PML: variants seen among roughly 807,000 people sequenced by gnomAD.
PML encodes the protein PML nuclear body scaffold, also known as protein PML.
PML carries 28 observed loss-of-function variants against 65.2 expected under a neutral mutation model. That is an observed-to-expected ratio of 0.43 (90% CI 0.32 to 0.59). PML has a LOEUF of 0.59. Among genes scored for constraint, PML ranks in the 20% least tolerant of loss-of-function variants. PML has a pLI of 0.08. For synonymous variants in PML, 500 were observed against 508.8 expected (o/e 0.98, Z 0.23); for missense variants, 1,021 against 1,203.4 (o/e 0.85, Z 2.24).
At chr15:74,017,595 G>T (rs1744490096) in intron 2 of PML, among the ~76,000 whole-genome samples, 2 of 152,280 alleles carry the variant, frequency 1.3e-5, no homozygotes, top group Admixed American at 6.5e-5. Flanking sequence ...GTTGCAATGA[G>T]TTGAGATCAC....
At chr15:74,034,323 C>A in intron 6 of PML, 155 bp from the exon 7 acceptor site, 1 of 876,192 alleles carries the variant, frequency 1.1e-6, no homozygotes, top group Non-Finnish European at 1.9e-6. Flanking sequence ...AAAGCAGAGT[C>A]ACATTGGCAC....
At chr15:74,034,126 G>T (rs906968981) in intron 6 of PML, 10 of 403,354 alleles carry the variant, frequency 2.5e-5, no homozygotes, top group African/African-American at 1.8e-4. Flanking sequence ...CCAGCTCATG[G>T]AGCTGAGAAT....
chr15:74,011,888 C>T (rs540802015), intron 2 of PML, among the ~76,000 whole-genome samples: 1 of 152,282 alleles, frequency 6.6e-6, no homozygotes, highest in Admixed American at 6.5e-5. Flanking sequence ...AGAATGGGTG[C>T]CCCTTTCCTA....
At chr15:74,036,474 A>G (rs1006521576) in intron 7 of PML, 43 of 1,223,810 alleles carry the variant, frequency 3.5e-5, no homozygotes, top group Non-Finnish European at 4.4e-5. Context: ...TCTCTTCCCT[A>G]TGCTGGAACT....
In PML at chr15:74,045,275, T is replaced by C. The variant is rs764463702; in HGVS notation, c.*267T>C. On this transcript the variant is annotated 3_prime_UTR_variant, in exon 9 of 9. Transcript: ENST00000268058. ...CCAGGAGCTAGAACCAGGGAGGTCCTGAGTGAGGAAGGCATGACCTCTGGG... is the reference window on the plus strand; with the variant it reads ...CCAGGAGCTAGAACCAGGGAGGTCCCGAGTGAGGAAGGCATGACCTCTGGG... 2 of 487,046 alleles carry C rather than the reference T, an allele frequency of 4.1e-6. No homozygotes were observed. The highest frequency in any genetic ancestry group is 7.3e-6 in the Non-Finnish European group (2 of 272,698). The allele number at this position is 487,046 out of a possible 1,614,324, so 30.2% of individuals were successfully genotyped here.
intron 2 of PML, among the ~76,000 whole-genome samples, chr15:74,015,137 C>T (rs2070513286): frequency 6.6e-6 from 1 of 152,194 alleles, no homozygotes; most frequent in African/African-American, 2.4e-5. Context: ...CTCAGGCTTT[C>T]CCCTCTCCAA....
Position 74,043,143 on chromosome 15 carries a change from G to A in PML, c.1861+4G>A. ...GACCTCAAGATTGACAATGAAAGTG[G>A]GTTCTCCTGGGGCTACCCCCACCCC... On this transcript the variant is annotated splice_donor_region_variant and intron_variant, in intron 8 of 8. Coordinates refer to ENST00000268058, the MANE Select transcript of PML (RefSeq NM_033238.3). This position sits in a 1 kb window ranked among gnomAD's most constrained non-coding sequence, Gnocchi z 4.3. 6.2e-7 allele frequency: 1 copy of A among 1,613,778 alleles called. No individual in the cohort carries two copies. Among genetic ancestry groups the A allele is most frequent in the South Asian group, 1.1e-5 (1 of 91,058 alleles).
chr15:74,035,632 G>A lies in PML; in HGVS notation c.1710+1102G>A, dbSNP rs144170102. 1.8e-4 allele frequency: 296 copies of A among 1,613,782 alleles called. No individual in the cohort carries two copies. The highest frequency in any genetic ancestry group is 1.8e-4 in the East Asian group (8 of 44,870). On this transcript the variant is annotated intron_variant, in intron 7 of 8. Coordinates refer to ENST00000268058, the MANE Select transcript of PML (RefSeq NM_033238.3). The surrounding 1 kb of genome is among the most constrained non-coding windows in gnomAD (Gnocchi z 4.1). ...CAAAGGGGCATCAGCCCACCCCACCGGATACGAGGGGCTGTGCGATCCCGC... is the reference window on the plus strand; with the variant it reads ...CAAAGGGGCATCAGCCCACCCCACCAGATACGAGGGGCTGTGCGATCCCGC...
At chr15:74,033,555 C>T (rs1178060535) in intron 6 of PML, 141 bp downstream of exon 6, 1 of 921,902 alleles carries the variant, frequency 1.1e-6, no homozygotes, top group Non-Finnish European at 1.7e-6. Context: ...AGGGAAAGTT[C>T]ACAGTGTGCG....
chr15:74,010,562 T>C (rs1469978501), intron 2 of PML, among the ~76,000 whole-genome samples: 1 of 151,470 alleles, frequency 6.6e-6, no homozygotes, highest in African/African-American at 2.4e-5. Context: ...TTCTCATTGA[T>C]TGCTAACTGA....
chr15:74,036,872 G>A (rs11858669), intron 7 of PML: 159,340 of 922,356 alleles, frequency 0.17, 14,167 homozygotes, highest in Non-Finnish European at 0.18. Flanking sequence ...GAGCACTGTC[G>A]GTCCCTCAGC....
intron 2 of PML, among the ~76,000 whole-genome samples, chr15:74,010,351 A>G (rs1026656609): frequency 1.3e-5 from 2 of 151,276 alleles, no homozygotes; most frequent in Non-Finnish European, 2.9e-5. Flanking sequence ...AATTTTTAAC[A>G]AGACTTGAAA....
At chr15:74,040,405 T>C (rs1003522567) in intron 7 of PML, among the ~76,000 whole-genome samples, 3 of 152,176 alleles carry the variant, frequency 2.0e-5, no homozygotes, top group Non-Finnish European at 4.4e-5. Flanking sequence ...ATCTAAGTCT[T>C]TTCCAGTGAC....
intron 2 of PML, among the ~76,000 whole-genome samples, chr15:74,008,860 G>A (rs2070190066): frequency 6.6e-6 from 1 of 152,108 alleles, no homozygotes; most frequent in African/African-American, 2.4e-5. Context: ...AGGGATATCA[G>A]TATTTCTTTG....
At chr15:74,008,092 G>T (rs1166030689) in intron 2 of PML, among the ~76,000 whole-genome samples, 2 of 152,192 alleles carry the variant, frequency 1.3e-5, no homozygotes, top group Non-Finnish European at 1.5e-5. Flanking sequence ...TTACCCTGCT[G>T]GGATCAGCTG....
At chr15:74,032,465 C>T in intron 4 of PML, 107 bp from the exon 5 acceptor site, 1 of 1,197,868 alleles carries the variant, frequency 8.3e-7, no homozygotes, top group Non-Finnish European at 1.2e-6. Flanking sequence ...GGAGCCTGGA[C>T]CTGTGACTTG....
At chr15:74,014,623 G>C (rs573317564) in intron 2 of PML, among the ~76,000 whole-genome samples, 1 of 151,848 alleles carries the variant, frequency 6.6e-6, no homozygotes. Flanking sequence ...TTAGCTGGGC[G>C]TGGTGGCGGG....
chr15:74,036,797 G>T (rs901419875), intron 7 of PML, among the ~76,000 whole-genome samples: 1 of 152,116 alleles, frequency 6.6e-6, no homozygotes, highest in Non-Finnish European at 1.5e-5. Flanking sequence ...CCTCTCAGGG[G>T]TTGTCACCCC....
intron 7 of PML, chr15:74,036,384 T>TTTTAA: frequency 7.3e-7 from 1 of 1,368,164 alleles, no homozygotes; most frequent in South Asian, 1.5e-5. Context: ...TAAACACTTG[T>TTTTAA]TGAACCATCA....
Sources: gnomAD v4.1 joint callset for allele counts (sites outside exome capture counted in the v4.1 genomes callset) on GRCh38, gnomAD v4.1.1 for gene constraint, Gnocchi (gnomAD v3.1) non-coding constraint, MANE v1.5 for transcripts, NCBI Gene and HGNC (gene_info 2026-07-23, HGNC 2026-07-21) for gene names.